Variants in PLA2G5 observed in about 807,000 individuals in gnomAD.
The protein encoded by PLA2G5 is phospholipase A2 group V, also known as Ca2+-dependent phospholipase A2.
PLA2G5 carries 12 observed loss-of-function variants against 15.9 expected under a neutral mutation model. The ratio of observed to expected loss-of-function variants is 0.76; its 90% CI spans 0.48 to 1.23. The LOEUF (loss-of-function observed/expected upper bound fraction) is 1.23, where lower values mean the gene tolerates loss of function less well. PLA2G5 is among the 50% of genes most tolerant of loss of function. The pLI is 0.00. For synonymous variants in PLA2G5, 71 were observed against 71.4 expected (o/e 0.99, Z 0.03); for missense variants, 169 against 177.1 (o/e 0.95, Z 0.26).
intron 3 of PLA2G5, 84 bp downstream of exon 3, chr1:20,086,311 A>T: frequency 1.4e-6 from 2 of 1,422,202 alleles, no homozygotes; most frequent in South Asian, 1.2e-5. Flanking sequence ...GTTCTGGAAG[A>T]TGAGTATTAA....
At chr1:20,072,794 A>G (rs2015449620) in intron 1 of PLA2G5, among the ~76,000 whole-genome samples, 1 of 152,232 alleles carries the variant, frequency 6.6e-6, no homozygotes, top group African/African-American at 2.4e-5. Flanking sequence ...ACCTCCTCTT[A>G]GGCCCAGGGA....
At chr1:20,051,604 T>C (rs1483469722) in intron 1 of PLA2G5, among the ~76,000 whole-genome samples, 1 of 152,236 alleles carries the variant, frequency 6.6e-6, no homozygotes, top group African/African-American at 2.4e-5. Flanking sequence ...ATTCATAACT[T>C]ATGGCAATAC....
At chr1:20,041,203 T>A (rs900683874) in intron 1 of PLA2G5, among the ~76,000 whole-genome samples, 6 of 152,244 alleles carry the variant, frequency 3.9e-5, no homozygotes, top group Non-Finnish European at 7.3e-5. Flanking sequence ...CTATAGGTGC[T>A]TGGTATCAGC....
At chr1:20,031,820 G>A (rs2012964228) in intron 1 of PLA2G5, among the ~76,000 whole-genome samples, 1 of 152,110 alleles carries the variant, frequency 6.6e-6, no homozygotes, top group African/African-American at 2.4e-5. Context: ...GAAGGGAGGA[G>A]GAGAAGTCTG....
chr1:20,062,919 C>T (rs2014809654), intron 2 of PLA2G5, among the ~76,000 whole-genome samples: 1 of 152,176 alleles, frequency 6.6e-6, no homozygotes, highest in Admixed American at 6.5e-5. Flanking sequence ...CAACTCACCA[C>T]TGGACAGATC....
At chr1:20,072,629 C>T (rs1235845009) in intron 1 of PLA2G5, among the ~76,000 whole-genome samples, 2 of 152,098 alleles carry the variant, frequency 1.3e-5, no homozygotes, top group Non-Finnish European at 2.9e-5. Flanking sequence ...CCAAGCTGTG[C>T]GAGGCCATGT....
intron 2 of PLA2G5, among the ~76,000 whole-genome samples, chr1:20,063,005 C>G (rs998535903): frequency 3.9e-5 from 6 of 152,046 alleles, no homozygotes; most frequent in African/African-American, 1.4e-4. Context: ...TGGGGAAGCA[C>G]CTACTCATAG....
rs377701290 is a variant in PLA2G5 at position 20,045,545 on chromosome 1, G to A, written n.277-14087G>A. 1.4e-4 allele frequency among the ~76,000 whole-genome samples: 21 copies of A among 152,330 alleles called. 1 individual carries two copies. The East Asian group carries it at 1.5e-3, about 11-fold the overall frequency. ...GGAAAGGAACTGAAATTAAGAGAAGGGAGAGATTGAAGGGTGGCACCAAAA... is the reference window on the plus strand; with the variant it reads ...GGAAAGGAACTGAAATTAAGAGAAGAGAGAGATTGAAGGGTGGCACCAAAA... On this transcript the variant is annotated intron_variant and non_coding_transcript_variant, in intron 1 of 6. Coordinates refer to the PLA2G5 transcript ENST00000460175.
At chr1:20,053,573 G>GGC (rs926331052) in intron 1 of PLA2G5, among the ~76,000 whole-genome samples, 2 of 88,648 alleles carry the variant, frequency 2.3e-5, no homozygotes, top group African/African-American at 6.0e-5. Context: ...TACTTTGCGG[G>GGC]GGGGGGGGTG....
At chr1:20,058,240 T>C (rs1158230857) in intron 1 of PLA2G5, among the ~76,000 whole-genome samples, 1 of 152,218 alleles carries the variant, frequency 6.6e-6, no homozygotes, top group Non-Finnish European at 1.5e-5. Flanking sequence ...TCTCCAACTA[T>C]AATAGTGGCT....
rs551461303 is a variant in PLA2G5 at position 20,084,129 on chromosome 1, G to A, written c.-10-692G>A. Among the ~76,000 whole-genome samples the A allele has an allele frequency of 4.0e-5, 6 of 149,670 alleles. No individual in the cohort carries two copies. The East Asian group carries it at 9.6e-4, about 24-fold the overall frequency. On this transcript the variant is annotated intron_variant, in intron 1 of 4. Transcript: ENST00000375108. The stretch of plus-strand genomic sequence containing the variant: ...GAAAGATGCCTACAAAGGCAAAAGC[G>A]CTTGGGGCCCATAAGAGCCATAATC...
At chr1:20,084,928 G>A in intron 2 of PLA2G5, 58 bp downstream of exon 2, 1 of 1,194,278 alleles carries the variant, frequency 8.4e-7, no homozygotes, top group East Asian at 2.3e-5. Flanking sequence ...GTAACAGGGT[G>A]GTGAAAAGGA....
chr1:20,057,041 A>G (rs889216146), intron 1 of PLA2G5, among the ~76,000 whole-genome samples: 3 of 152,158 alleles, frequency 2.0e-5, no homozygotes, highest in Non-Finnish European at 4.4e-5. Context: ...TTTAATGTCC[A>G]TGGAATCAGT....
intron 1 of PLA2G5, among the ~76,000 whole-genome samples, chr1:20,035,883 T>C (rs2013219499): frequency 6.6e-6 from 1 of 152,246 alleles, no homozygotes. Context: ...TTCAAGGTTT[T>C]GTTTGAAGAT....
intron 1 of PLA2G5, among the ~76,000 whole-genome samples, chr1:20,045,573 G>A (rs2013860681): frequency 1.3e-5 from 2 of 152,206 alleles, no homozygotes; most frequent in Admixed American, 6.5e-5. Context: ...CACCAAAATT[G>A]AAAGGAGAAA....
intron 1 of PLA2G5, among the ~76,000 whole-genome samples, chr1:20,031,044 G>C (rs818677): frequency 0.18 from 27,518 of 152,102 alleles, 2,565 homozygotes; most frequent in African/African-American, 0.21. Flanking sequence ...CCCTGTGAAG[G>C]CTTGTTGGTC....
intron 1 of PLA2G5, among the ~76,000 whole-genome samples, chr1:20,054,233 G>T (rs1038922768): frequency 1.3e-5 from 2 of 152,174 alleles, no homozygotes; most frequent in African/African-American, 4.8e-5. Flanking sequence ...TCAAGTGACT[G>T]ATTACCCCAC....
intron 1 of PLA2G5, among the ~76,000 whole-genome samples, chr1:20,040,958 A>C (rs560924724): frequency 6.6e-6 from 1 of 152,178 alleles, no homozygotes; most frequent in African/African-American, 2.4e-5. Context: ...TTCATCTTAC[A>C]TGTGTTGATT....
chr1:20,085,790 G>A (rs2016255692), intron 2 of PLA2G5, among the ~76,000 whole-genome samples: 1 of 152,028 alleles, frequency 6.6e-6, no homozygotes, highest in African/African-American at 2.4e-5. Context: ...GCTAATTTGG[G>A]GTCCCCGTTT....
Sources: gnomAD v4.1 joint callset for allele counts (sites outside exome capture counted in the v4.1 genomes callset) on GRCh38, gnomAD v4.1.1 for gene constraint, MANE v1.5 for transcripts, NCBI Gene and HGNC (gene_info 2026-07-23, HGNC 2026-07-21) for gene names.